The following HOMER2 variants were observed in gnomAD, a reference collection of about 807,000 sequenced individuals.
The protein encoded by HOMER2 is homer protein homolog 2.
Under a neutral mutation model 47.0 loss-of-function variants are expected in HOMER2, and 27 were observed. The ratio of observed to expected loss-of-function variants is 0.57; its 90% CI spans 0.42 to 0.79. HOMER2 has a LOEUF of 0.79. Among genes scored for constraint, HOMER2 ranks in the 30% least tolerant of loss-of-function variants. The pLI is 0.00. For synonymous variants in HOMER2, 161 were observed against 163.8 expected, an observed-to-expected ratio of 0.98 and a Z score of 0.13; for missense variants, 443 against 435.0, an observed-to-expected ratio of 1.02 and a Z score of -0.16.
exon 2 of HOMER2, chr15:82,841,624 G>A (rs1234142067): frequency 6.6e-6 from 1 of 152,164 alleles, no homozygotes; most frequent in Non-Finnish European, 1.5e-5. Flanking sequence ...AATGTGATGA[G>A]TTGAGAAAGT....
intron 1 of HOMER2, among the ~76,000 whole-genome samples, chr15:82,969,733 G>A (rs1022250385): frequency 2.0e-5 from 3 of 152,164 alleles, no homozygotes. Context: ...TTATCTTTAT[G>A]AAATTGAAAC....
intron 1 of HOMER2, among the ~76,000 whole-genome samples, chr15:82,963,622 A>G (rs1349276716): frequency 2.3e-4 from 35 of 152,230 alleles, no homozygotes; most frequent in Non-Finnish European, 2.9e-5. Flanking sequence ...GTGTGGGAAT[A>G]TGCATGTTTA....
chr15:82,864,297 C>T, intron 3 of HOMER2, 38 bp from the exon 4 acceptor site: 3 of 1,411,676 alleles, frequency 2.1e-6, no homozygotes, highest in Non-Finnish European at 3.0e-6. Context: ...TTTTATTAAC[C>T]TCACTCATGG....
At chr15:82,860,268 C>T (rs1389524651) in intron 4 of HOMER2, among the ~76,000 whole-genome samples, 1 of 152,114 alleles carries the variant, frequency 6.6e-6, no homozygotes, top group East Asian at 1.9e-4. Flanking sequence ...ATATTAGTAT[C>T]TTTCCTATAT....
At chr15:82,901,118 G>A (rs745353331) in intron 1 of HOMER2, among the ~76,000 whole-genome samples, 1 of 152,064 alleles carries the variant, frequency 6.6e-6, no homozygotes, top group Non-Finnish European at 1.5e-5. Context: ...TCTGGGGCTG[G>A]GTCACAGGCA....
intron 3 of HOMER2, among the ~76,000 whole-genome samples, chr15:82,874,825 G>A (rs2052294399): frequency 1.3e-5 from 2 of 152,216 alleles, no homozygotes; most frequent in South Asian, 4.1e-4. Context: ...ATTCTTGGCA[G>A]CAGGAACACA....
chr15:82,979,160 A>T (rs1235614760), intron 1 of HOMER2, among the ~76,000 whole-genome samples: 1 of 152,240 alleles, frequency 6.6e-6, no homozygotes, highest in Admixed American at 6.5e-5. Context: ...GCCGTGCTGC[A>T]CTGTGAGTCA....
intron 1 of HOMER2, among the ~76,000 whole-genome samples, chr15:82,940,267 T>C (rs1834725513): frequency 6.6e-6 from 1 of 152,124 alleles, no homozygotes. Flanking sequence ...TTAAATGAGA[T>C]ATTGCATAGA....
intron 1 of HOMER2, among the ~76,000 whole-genome samples, chr15:82,900,717 C>T (rs1194417424): frequency 1.3e-5 from 2 of 152,216 alleles, no homozygotes; most frequent in African/African-American, 4.8e-5. Flanking sequence ...AATCCTGTTA[C>T]AACAATGCAC....
intron 3 of HOMER2, among the ~76,000 whole-genome samples, chr15:82,866,285 C>G (rs2051963426): frequency 6.6e-6 from 1 of 152,230 alleles, no homozygotes; most frequent in Non-Finnish European, 1.5e-5. Flanking sequence ...TTTGGACTTG[C>G]ATGGGGCCTG....
upstream of HOMER2, among the ~76,000 whole-genome samples, chr15:82,956,598 G>C (rs1451402634): frequency 6.6e-6 from 1 of 152,216 alleles, no homozygotes; most frequent in East Asian, 1.9e-4. Context: ...GACTGGTTAA[G>C]AGGCTCTAGA....
intron 1 of HOMER2, among the ~76,000 whole-genome samples, chr15:82,945,771 C>T (rs934324627): frequency 5.9e-5 from 9 of 151,970 alleles, no homozygotes. Flanking sequence ...GAGATCGAGA[C>T]CATCCTGGCT....
chr15:82,924,545 T>C (rs534334696), intron 1 of HOMER2, among the ~76,000 whole-genome samples: 1 of 152,246 alleles, frequency 6.6e-6, no homozygotes, highest in South Asian at 2.1e-4. Context: ...CACATTTACA[T>C]CTTAGGGCTT....
chr15:82,954,460 G>GTTT (rs34974567), upstream of HOMER2, among the ~76,000 whole-genome samples: 1,308 of 134,390 alleles, frequency 9.7e-3, 10 homozygotes, highest in Non-Finnish European at 0.016. Context: ...ACCACGCCCA[G>GTTT]TTTTTTTTTT....
chr15:82,961,251 C>T (rs2054628247), intron 1 of HOMER2, among the ~76,000 whole-genome samples: 1 of 152,258 alleles, frequency 6.6e-6, no homozygotes, highest in African/African-American at 2.4e-5. Context: ...ACAGTCCCCA[C>T]TTACTCATAC....
chr15:82,858,959 C>G (rs958286335), intron 5 of HOMER2, 70 bp downstream of exon 5: 8 of 1,525,878 alleles, frequency 5.2e-6, no homozygotes, highest in Non-Finnish European at 7.1e-6. Flanking sequence ...AAACCCTGTC[C>G]AGCAAGAAAG....
chr15:82,894,309 G>T (rs1385442562), intron 1 of HOMER2, among the ~76,000 whole-genome samples: 1 of 152,084 alleles, frequency 6.6e-6, no homozygotes, highest in Non-Finnish European at 1.5e-5. Flanking sequence ...ATGCAAAATG[G>T]CACAGACTTA....
At chr15:82,909,709 C>G (rs2019208) in intron 1 of HOMER2, among the ~76,000 whole-genome samples, 2 of 151,972 alleles carry the variant, frequency 1.3e-5, no homozygotes, top group Non-Finnish European at 2.9e-5. Context: ...GACATATTGG[C>G]TCTTTGAAGA....
At chr15:82,976,489 GGTTT>G (rs2030206015) in intron 1 of HOMER2, among the ~76,000 whole-genome samples, 1 of 151,804 alleles carries the variant, frequency 6.6e-6, no homozygotes, top group Non-Finnish European at 1.5e-5. Flanking sequence ...GTAGACACAG[GGTTT>G]TGCCATTGTT....
Sources: allele counts gnomAD v4.1 joint callset (sites outside exome capture counted in the v4.1 genomes callset), GRCh38; gene constraint gnomAD v4.1.1; transcripts MANE v1.5; gene names NCBI Gene and HGNC (gene_info 2026-07-23, HGNC 2026-07-21).